Variants in SMYD5 observed in about 807,000 individuals in gnomAD.
SMYD5 encodes SMYD family member 5.
In SMYD5, 35 loss-of-function variants were observed where a neutral mutation model predicts 57.4. The observed-to-expected ratio is 0.61, with a 90% confidence interval of 0.47 to 0.81. SMYD5 has a LOEUF of 0.81. Among genes scored for constraint, SMYD5 ranks in the 30% least tolerant of loss-of-function variants. The pLI is 0.00. For missense variants in SMYD5, 471 were observed against 527.9 expected (o/e 0.89, Z 1.06); for synonymous variants, 198 against 189.7 (o/e 1.04, Z -0.36).
chr2:73,225,570 G>A, intron 11 of SMYD5, 61 bp from the exon 12 acceptor site: 1 of 1,471,708 alleles, frequency 6.8e-7, no homozygotes, highest in Non-Finnish European at 9.5e-7. Flanking sequence ...TAGCTGTTGG[G>A]GAGGTCCTTA....
intron 5 of SMYD5, 41 bp downstream of exon 5, chr2:73,221,275 C>T: frequency 6.6e-7 from 1 of 1,521,904 alleles, no homozygotes; most frequent in Non-Finnish European, 9.1e-7. Context: ...GACTTTGGCC[C>T]CATTCAACCC....
chr2:73,225,655 T>C lies in SMYD5; in HGVS notation c.1060T>C (p.Cys354Arg), dbSNP rs141935624. Residue 354 changes from cysteine (C) to arginine (R), a missense_variant, in exon 12 of 13, where the codon TGC (cysteine) becomes CGC (arginine). By Grantham distance (180) the Cys-to-Arg change is radical (BLOSUM62 -3). Coordinates refer to ENST00000389501, the MANE Select transcript of SMYD5 (RefSeq NM_006062.3). Reference protein sequence around the residue: ...GEEICISYLDCCQRERSRHSR... With the variant: ...GEEICISYLDRCQRERSRHSR... ...GGAAATTTGTATCAGCTACTTGGAC[T>C]GCTGTCAGCGGGAGCGCAGCCGCCA... 4 of 1,614,112 alleles carry C rather than the reference T, an allele frequency of 2.5e-6. No homozygotes were observed. The highest frequency in any genetic ancestry group is 3.4e-6 in the Non-Finnish European group (4 of 1,180,046).
chr2:73,223,388 TCTGCCTCCCCAACCATGGG>T lies in SMYD5; in HGVS notation c.777-31_777-13del. On this transcript the variant is annotated intron_variant, in intron 8 of 12. Transcript: ENST00000389501. ...GGTGGAGAGCCCTGTGACCTGGGCT[TCTGCCTCCCCAACCATGGG>T]CTGCCTGGGACCCCCCAGCTCCCTA... 1 of 1,441,864 alleles carries T rather than the reference TCTGCCTCCCCAACCATGGG, an allele frequency of 6.9e-7. No individual in the cohort carries two copies. The highest frequency in any genetic ancestry group is 9.8e-7 in the Non-Finnish European group (1 of 1,023,612). The allele number at this position is 1,441,864 out of a possible 1,614,324, so 89.3% of individuals were successfully genotyped here. A position where few individuals can be genotyped will look rare whatever the true frequency, so the allele number is the denominator to read the frequency against.
chr2:73,214,460 C>G (rs539916054), intron 1 of SMYD5, 98 bp downstream of exon 1: 1 of 1,580,984 alleles, frequency 6.3e-7, no homozygotes, highest in East Asian at 2.3e-5. Context: ...GCTTCTGTGC[C>G]GCTCGGACGC....
At chr2:73,222,861 A>G (rs1686422347) in intron 7 of SMYD5, 44 bp downstream of exon 7, 1 of 1,588,498 alleles carries the variant, frequency 6.3e-7, no homozygotes, top group African/African-American at 1.3e-5. Flanking sequence ...TTGTTACTCC[A>G]GCTCTCCAGG....
At chr2:73,220,823 C>T (rs753949407) in intron 4 of SMYD5, 41 bp downstream of exon 4, 2 of 1,607,450 alleles carry the variant, frequency 1.2e-6, no homozygotes, top group Non-Finnish European at 1.7e-6. Context: ...ATCCTTTCCT[C>T]CCTGGTTGCC....
chr2:73,222,804 A>C lies in SMYD5; in HGVS notation c.692A>C (p.Glu231Ala), dbSNP rs1416020901. 2 of 1,613,854 alleles carry C rather than the reference A, an allele frequency of 1.2e-6. No individual in the cohort carries two copies. Among genetic ancestry groups the C allele is most frequent in the South Asian group, 2.2e-5 (2 of 91,052 alleles). Reference protein sequence around the residue: ...RRLFTEALYEEAVSQWFTPDG... With the variant: ...RRLFTEALYEAAVSQWFTPDG... ...CTCTTCACAGAGGCCCTCTATGAGGAAGCAGTCAGCCAGGTGAGTGAGGAG... is the reference window on the plus strand; with the variant it reads ...CTCTTCACAGAGGCCCTCTATGAGGCAGCAGTCAGCCAGGTGAGTGAGGAG... The change falls in exon 7 of 13, where the codon GAA (glutamate) becomes GCA (alanine). Residue 231 changes from glutamate to alanine, a missense_variant. Transcript: ENST00000389501.
At chr2:73,224,178 AT>A (rs923044424) in intron 10 of SMYD5, among the ~76,000 whole-genome samples, 175 bp downstream of exon 10, 48 of 151,960 alleles carry the variant, frequency 3.2e-4, no homozygotes, top group African/African-American at 9.9e-4. Context: ...TTGTTCTATC[AT>A]TTTTTTCATT....
intron 9 of SMYD5, 39 bp from the exon 10 acceptor site, chr2:73,223,908 A>C (rs372915466): frequency 1.5e-4 from 238 of 1,599,252 alleles, no homozygotes; most frequent in Non-Finnish European, 1.9e-4. Context: ...CTGCCTTTAA[A>C]AATGGGTAGA....
In SMYD5 at chr2:73,224,963, G is replaced by A. The variant is rs1686470585; in HGVS notation, c.1035+3G>A. The A allele has an allele frequency of 6.2e-7, 1 of 1,612,554 alleles. No homozygotes were observed. On this transcript the variant is annotated splice_donor_region_variant and intron_variant, in intron 11 of 12. Coordinates refer to ENST00000389501, the MANE Select transcript of SMYD5 (RefSeq NM_006062.3). Reference sequence around the variant, plus strand: ...TGGAGGATATTAAGCCAGGAGAGGTGAGGGGGACCAGGAACCGTCGGGATG... The same window carrying A: ...TGGAGGATATTAAGCCAGGAGAGGTAAGGGGGACCAGGAACCGTCGGGATG...
At chr2:73,220,295 T>C in intron 3 of SMYD5, 105 bp downstream of exon 3, 1 of 1,239,520 alleles carries the variant, frequency 8.1e-7, no homozygotes, top group Non-Finnish European at 1.1e-6. Context: ...GTCATGGCCC[T>C]TGAAAACTAC....
At chr2:73,222,104 C>G (rs1350344938) in intron 6 of SMYD5, among the ~76,000 whole-genome samples, 174 bp downstream of exon 6, 2 of 152,146 alleles carry the variant, frequency 1.3e-5, no homozygotes, top group Non-Finnish European at 2.9e-5. Context: ...ACTTCATGAC[C>G]TCATGTGGAC....
At position 73,226,260 on chromosome 2, in the gene SMYD5, T is replaced by G. The variant is rs1268707112; in HGVS notation, c.*314T>G. 3 of 362,410 alleles carry G rather than the reference T, an allele frequency of 8.3e-6. No homozygotes were observed. Among genetic ancestry groups the G allele is most frequent in the East Asian group, 4.7e-5 (1 of 21,442 alleles). The allele number at this position is 362,410 out of a possible 1,614,324, so 22.4% of individuals were successfully genotyped here. On this transcript the variant is annotated 3_prime_UTR_variant, in exon 13 of 13. Coordinates refer to ENST00000389501, the MANE Select transcript of SMYD5 (RefSeq NM_006062.3). ...CAGGGCCAGGGCCTAACAGTGTTTC[T>G]TCCCCTCGGCCCCACGGCCCATACT... is the stretch of plus-strand genomic sequence containing the variant.
chr2:73,214,484 C>T (rs955413072), intron 1 of SMYD5, 122 bp downstream of exon 1: 4 of 1,517,522 alleles, frequency 2.6e-6, no homozygotes, highest in African/African-American at 1.4e-5. Flanking sequence ...GGCCCTGCCC[C>T]TGCTCGCGGC....
At chr2:73,219,947 A>G in intron 2 of SMYD5, 104 bp from the exon 3 acceptor site, 1 of 1,375,820 alleles carries the variant, frequency 7.3e-7, no homozygotes. Flanking sequence ...TTTATGAAAC[A>G]CTAGAATGGT....
intron 9 of SMYD5, 30 bp downstream of exon 9, chr2:73,223,562 A>C (rs1686440989): frequency 6.9e-7 from 1 of 1,443,884 alleles, no homozygotes; most frequent in Non-Finnish European, 9.8e-7. Flanking sequence ...GGCCTCACCC[A>C]GCCATGGCGA....
At chr2:73,223,320 G>T (rs1002063604) in intron 8 of SMYD5, 106 bp from the exon 9 acceptor site, 2 of 858,356 alleles carry the variant, frequency 2.3e-6, no homozygotes, top group Middle Eastern at 2.9e-4. Context: ...ATGAAGTGGG[G>T]TGGGGATGGG....
rs143814696 is a variant in SMYD5 at position 73,225,638 on chromosome 2, G to A, written c.1043G>A (p.Cys348Tyr). ...CACTTCTCTGCCCTACAGGAAATTT[G>A]TATCAGCTACTTGGACTGCTGTCAG... ...LEDIKPGEEICISYLDCCQRE... is the reference protein window; with the variant it reads ...LEDIKPGEEIYISYLDCCQRE... The change falls in exon 12 of 13, where the codon TGT becomes TAT. Residue 348 changes from cysteine to tyrosine, a missense_variant. Coordinates refer to ENST00000389501, the MANE Select transcript of SMYD5 (RefSeq NM_006062.3). 1.2e-6 allele frequency: 2 copies of A among 1,614,176 alleles called. No homozygotes were observed. Among genetic ancestry groups the A allele is most frequent in the African/African-American group, 1.3e-5 (1 of 75,062 alleles).
chr2:73,223,032 A>C lies in SMYD5; in HGVS notation c.706-4A>C, dbSNP rs1574341865. ...GAGCACTCATCTCTTTTTTCCCCCC[A>C]CAGTGGTTCACTCCAGATGGATTCC... On this transcript the variant is annotated splice_region_variant and splice_polypyrimidine_tract_variant and intron_variant, in intron 7 of 12. Coordinates refer to ENST00000389501, the MANE Select transcript of SMYD5 (RefSeq NM_006062.3). 1 of 1,613,418 alleles carries C rather than the reference A, an allele frequency of 6.2e-7. No individual in the cohort carries two copies. Among genetic ancestry groups the C allele is most frequent in the Non-Finnish European group, 8.5e-7 (1 of 1,179,424 alleles).
Sources: gnomAD v4.1 joint callset for allele counts (sites outside exome capture counted in the v4.1 genomes callset) on GRCh38, gnomAD v4.1.1 for gene constraint, MANE v1.5 for transcripts, NCBI Gene and HGNC (gene_info 2026-07-23, HGNC 2026-07-21) for gene names.